RAD51B: variants seen among roughly 807,000 people sequenced by gnomAD.
RAD51B encodes RAD51 paralog B, also known as DNA repair protein RAD51 homolog 2.
A neutral mutation model predicts 42.2 loss-of-function variants in RAD51B; 38 were observed. The observed-to-expected ratio is 0.90, with a 90% CI of 0.70 to 1.18. The LOEUF (loss-of-function observed/expected upper bound fraction) is 1.18. Among genes scored for constraint, RAD51B ranks in the 50% most tolerant of loss-of-function variants. RAD51B has a pLI of 0.00. For synonymous variants in RAD51B, 154 were observed against 145.2 expected, an observed-to-expected ratio of 1.06 and a Z score of -0.43; for missense variants, 373 against 400.7, an observed-to-expected ratio of 0.93 and a Z score of 0.59.
intron 9 of RAD51B, among the ~76,000 whole-genome samples, chr14:68,418,645 A>G (rs945183672): frequency 6.6e-6 from 1 of 152,218 alleles, no homozygotes; most frequent in African/African-American, 2.4e-5. Flanking sequence ...CTGGCTTGGG[A>G]AGAAAAATAT....
At chr14:68,298,036 C>G (rs2081647811) in intron 8 of RAD51B, among the ~76,000 whole-genome samples, 1 of 152,228 alleles carries the variant, frequency 6.6e-6, no homozygotes, top group African/African-American at 2.4e-5. Context: ...GGCCAGTGCT[C>G]TACTTCCCTG....
At position 67,965,332 on chromosome 14, in the gene RAD51B, G is replaced by A. The variant is rs566342107; in HGVS notation, c.756+78128G>A. On this transcript the variant is annotated intron_variant, in intron 7 of 10. Transcript: ENST00000471583. ...CTAAAATTGCTTTTTGACTTTGTTT[G>A]TACTCTTCCCTCCATTCTCCTAGCC... Among the ~76,000 whole-genome samples the A allele has an allele frequency of 4.6e-5, 7 of 152,200 alleles. No individual in the cohort carries two copies. The East Asian group carries it at 1.3e-3, about 29-fold the overall frequency.
intron 9 of RAD51B, among the ~76,000 whole-genome samples, chr14:68,455,668 C>T (rs530813762): frequency 9.2e-5 from 14 of 151,410 alleles, no homozygotes; most frequent in African/African-American, 3.1e-4. Flanking sequence ...TGCAGTGAGC[C>T]GAGATTGCGC....
intron 10 of RAD51B, among the ~76,000 whole-genome samples, chr14:68,506,050 A>T (rs1036998959): frequency 1.3e-5 from 2 of 152,068 alleles, no homozygotes; most frequent in African/African-American, 2.4e-5. Context: ...TTTCTACCCA[A>T]ATGTGTCTTT....
chr14:68,617,687 C>A (rs1193408989), intron 10 of RAD51B, among the ~76,000 whole-genome samples: 1 of 152,212 alleles, frequency 6.6e-6, no homozygotes, highest in Non-Finnish European at 1.5e-5. Context: ...GAATGTGCCT[C>A]CAATCAGAAA....
chr14:68,177,752 C>T (rs908668047), intron 7 of RAD51B, among the ~76,000 whole-genome samples: 2 of 151,968 alleles, frequency 1.3e-5, no homozygotes, highest in African/African-American at 4.8e-5. Flanking sequence ...ATTTAACTCT[C>T]CAGCCGAGAT....
intron 8 of RAD51B, among the ~76,000 whole-genome samples, chr14:68,384,994 C>T (rs1156661930): frequency 2.6e-5 from 4 of 152,148 alleles, no homozygotes; most frequent in African/African-American, 7.2e-5. Flanking sequence ...CACAGCACGA[C>T]GACAGAGGAG....
intron 7 of RAD51B, among the ~76,000 whole-genome samples, chr14:67,956,868 G>GAT (rs1431736944): frequency 6.6e-6 from 1 of 152,240 alleles, no homozygotes; most frequent in Non-Finnish European, 1.5e-5. Context: ...GGACAGCATA[G>GAT]ATAGTGAGCA....
intron 8 of RAD51B, among the ~76,000 whole-genome samples, chr14:68,374,558 T>C (rs920853627): frequency 4.6e-5 from 7 of 152,206 alleles, no homozygotes; most frequent in African/African-American, 1.7e-4. Context: ...AACTGAAATC[T>C]TGAGATTCTC....
intron 7 of RAD51B, among the ~76,000 whole-genome samples, chr14:68,063,455 G>T (rs1408581236): frequency 6.6e-6 from 1 of 152,086 alleles, no homozygotes; most frequent in Non-Finnish European, 1.5e-5. Flanking sequence ...GTGTATGGGG[G>T]CTGGGCGCAG....
intron 7 of RAD51B, among the ~76,000 whole-genome samples, chr14:68,026,528 C>T (rs1156977589): frequency 6.6e-6 from 1 of 151,872 alleles, no homozygotes; most frequent in Non-Finnish European, 1.5e-5. Flanking sequence ...TCTCGGTGCT[C>T]CAGTGTTGGG....
chr14:68,649,009 C>A (rs890622358), intron 10 of RAD51B, among the ~76,000 whole-genome samples: 2 of 152,146 alleles, frequency 1.3e-5, no homozygotes, highest in Non-Finnish European at 2.9e-5. Context: ...CCAGAGGCAA[C>A]CCTCGCATGT....
At chr14:68,226,406 C>A (rs955213703) in intron 7 of RAD51B, among the ~76,000 whole-genome samples, 2 of 152,204 alleles carry the variant, frequency 1.3e-5, no homozygotes, top group Non-Finnish European at 2.9e-5. Context: ...TGTGTCCCCA[C>A]CCAAATCTCA....
At chr14:68,329,475 A>G (rs9989153) in intron 8 of RAD51B, among the ~76,000 whole-genome samples, 15,088 of 152,280 alleles carry the variant, frequency 0.099, 871 homozygotes, top group African/African-American at 0.15. Flanking sequence ...CCAGAAATCT[A>G]CAGAAGGTAC....
intron 10 of RAD51B, among the ~76,000 whole-genome samples, chr14:68,519,697 C>T (rs781649035): frequency 2.9e-4 from 44 of 152,272 alleles, no homozygotes; most frequent in Non-Finnish European, 4.9e-4. Context: ...AGAAAGTCAC[C>T]GTCATTTGCA....
chr14:68,200,816 G>A (rs1002792892), intron 7 of RAD51B, among the ~76,000 whole-genome samples: 1 of 151,828 alleles, frequency 6.6e-6, no homozygotes, highest in Non-Finnish European at 1.5e-5. Context: ...ACTATGCCTA[G>A]CTAATTTTTT....
chr14:68,225,094 G>C (rs2080009815), intron 7 of RAD51B, among the ~76,000 whole-genome samples: 1 of 152,126 alleles, frequency 6.6e-6, no homozygotes, highest in African/African-American at 2.4e-5. Flanking sequence ...GTGCAATTTA[G>C]AGAAACTTTT....
At chr14:68,183,901 G>T (rs2079101632) in intron 7 of RAD51B, among the ~76,000 whole-genome samples, 1 of 152,044 alleles carries the variant, frequency 6.6e-6, no homozygotes, top group Non-Finnish European at 1.5e-5. Context: ...AGACCATCCT[G>T]GCTAACATGG....
At chr14:68,024,440 A>C (rs2075919115) in intron 7 of RAD51B, among the ~76,000 whole-genome samples, 1 of 152,090 alleles carries the variant, frequency 6.6e-6, no homozygotes. Flanking sequence ...TGACCATTTT[A>C]ATTATATTGA....
Sources: allele counts gnomAD v4.1 joint callset (sites outside exome capture counted in the v4.1 genomes callset), GRCh38; gene constraint gnomAD v4.1.1; transcripts MANE v1.5; gene names NCBI Gene and HGNC (gene_info 2026-07-23, HGNC 2026-07-21).